ITIH4: variants seen among roughly 807,000 people sequenced by gnomAD.
ITIH4 encodes inter-alpha-trypsin inhibitor heavy chain 4, also known as inter-alpha-trypsin inhibitor heavy chain H4.
In ITIH4, 79 loss-of-function variants were observed where a neutral mutation model predicts 111.8. The observed-to-expected ratio is 0.71, with a 90% CI of 0.59 to 0.85. ITIH4 has a LOEUF of 0.85. ITIH4 is among the 40% of genes least tolerant of loss of function. ITIH4 has a pLI of 0.00. For synonymous variants in ITIH4, 472 were observed against 468.3 expected (o/e 1.01, Z -0.10); for missense variants, 1,065 against 1,195.8 (o/e 0.89, Z 1.61).
At chr3:52,821,733 G>C (rs1005141251) in intron 11 of ITIH4, among the ~76,000 whole-genome samples, 1 of 152,190 alleles carries the variant, frequency 6.6e-6, no homozygotes, top group Non-Finnish European at 1.5e-5. Flanking sequence ...CCCTCAGGGA[G>C]GGGCCTGTGG....
Position 52,820,677 on chromosome 3 carries a change from G to A in ITIH4, c.1788C>T (p.Pro596=), listed in dbSNP as rs143707017. ...CAACTTGAGACTGCTCTTGGTCATC[G>A]GGTTTGGTGACTACCATAGATGTGA... ...TPLTSMVVTK[P]DDQEQSQVAE... The change falls in exon 13 of 24, where the codon CCC becomes CCT. Residue 596 remains proline (P), a synonymous_variant. Transcript: ENST00000266041. 41 of 1,613,888 alleles carry A rather than the reference G, an allele frequency of 2.5e-5. No homozygotes were observed. In the African/African-American group the frequency reaches 3.2e-4, roughly 13 times the overall value.
At chr3:52,813,953 C>T (rs200748269) in intron 23 of ITIH4, 22 bp downstream of exon 23, 179 of 1,595,114 alleles carry the variant, frequency 1.1e-4, no homozygotes, top group Admixed American at 1.5e-4. Context: ...CTGGGCTCAG[C>T]GGTCTGCTTG....
At position 52,820,766 on chromosome 3, in the gene ITIH4, C is replaced by CA. The variant is rs1190288060; in HGVS notation, c.1698dup (p.Asp567Ter). ...GCTTGGTTCCGGAGGGCCTGCTGAT[C>CA]AGCATCGGATGCGGAGACACTGTAG... On this transcript the variant is annotated frameshift_variant, in exon 13 of 24. Transcript: ENST00000266041. LOFTEE classifies it high-confidence loss of function. The CA allele has an allele frequency of 6.2e-7, 1 of 1,612,952 alleles. No homozygotes were observed. The highest frequency in any genetic ancestry group is 1.7e-5 in the Admixed American group (1 of 59,840).
chr3:52,816,569 T>G (rs915641421), intron 21 of ITIH4, among the ~76,000 whole-genome samples: 7 of 152,134 alleles, frequency 4.6e-5, no homozygotes, highest in Non-Finnish European at 1.0e-4. Context: ...TGATTAGTAC[T>G]GGTTATTGGT....
intron 2 of ITIH4, among the ~76,000 whole-genome samples, chr3:52,828,774 G>T (rs1700522663): frequency 6.6e-6 from 1 of 152,190 alleles, no homozygotes. Flanking sequence ...TGTACTTTGA[G>T]CTGGAATGTG....
At chr3:52,825,079 T>G in intron 6 of ITIH4, 121 bp from the exon 7 acceptor site, 1 of 619,722 alleles carries the variant, frequency 1.6e-6, no homozygotes. Context: ...TCCATCCCAC[T>G]GCTAACCTCC....
chr3:52,823,384 T>C, intron 11 of ITIH4, 172 bp downstream of exon 11: 1 of 614,362 alleles, frequency 1.6e-6, no homozygotes, highest in Non-Finnish European at 2.9e-6. Flanking sequence ...TATGTGCTGG[T>C]CTCATGAGAA....
chr3:52,818,406 G>A, intron 18 of ITIH4, 56 bp downstream of exon 18: 3 of 1,577,696 alleles, frequency 1.9e-6, no homozygotes, highest in Admixed American at 1.8e-5. Context: ...CATGTGACAG[G>A]TCACTCCCCT....
intron 20 of ITIH4, among the ~76,000 whole-genome samples, chr3:52,817,631 T>A (rs983236839): frequency 9.9e-5 from 15 of 152,126 alleles, no homozygotes; most frequent in Non-Finnish European, 2.1e-4. Context: ...ATTCCCCTCA[T>A]CCACACCTTC....
In ITIH4 at chr3:52,818,122, ACT is replaced by A; in HGVS notation, c.2224_2225del (p.Ser742CysfsTer22). 1 of 1,613,486 alleles carries A rather than the reference ACT, an allele frequency of 6.2e-7. No homozygotes were observed. The highest frequency in any genetic ancestry group is 8.5e-7 in the Non-Finnish European group (1 of 1,179,846). On this transcript the variant is annotated frameshift_variant, in exon 20 of 24. Coordinates refer to ENST00000266041, the MANE Select transcript of ITIH4 (RefSeq NM_002218.5). LOFTEE classifies it high-confidence loss of function. ...PSAILPLPGQSVERLCVDPRH... is the reference protein window; with the variant it reads ...PSAILPLPGQXVERLCVDPRH... ...TGGGGTCCACACAGAGCCGCTCCAC[ACT>A]CTGCCCAGGCAGTGGCAGGATGGCA...
intron 17 of ITIH4, chr3:52,819,173 C>G: frequency 1.8e-6 from 1 of 542,142 alleles, no homozygotes. Context: ...CTGCAAAGAG[C>G]TGGGAAGGCG....
rs757338875 is a variant in ITIH4, at chr3:52,813,070, G to A, written c.*351C>T. The A allele has an allele frequency of 9.6e-6, 2 of 208,958 alleles. No homozygotes were observed. The highest frequency in any genetic ancestry group is 1.9e-5 in the Non-Finnish European group (2 of 106,472). The allele number at this position is 208,958 out of a possible 1,614,324, so 12.9% of individuals were successfully genotyped here. A position where few individuals can be genotyped will look rare whatever the true frequency, so the allele number is the denominator to read the frequency against. On this transcript the variant is annotated 3_prime_UTR_variant, in exon 24 of 24. Transcript: ENST00000266041. ...GAATGCTCCCAGCCCTGGGCCTCTAGCTGGGGGCCACAGTGACATCTCAAA... is the reference window on the plus strand; with the variant it reads ...GAATGCTCCCAGCCCTGGGCCTCTAACTGGGGGCCACAGTGACATCTCAAA...
At chr3:52,815,746 G>C (rs545797751) in intron 21 of ITIH4, among the ~76,000 whole-genome samples, 3 of 150,878 alleles carry the variant, frequency 2.0e-5, no homozygotes, top group Non-Finnish European at 2.9e-5. Context: ...AGGCTGGAGC[G>C]CAGTGGTGTT....
At chr3:52,827,660 A>G (rs1310018963) in intron 2 of ITIH4, among the ~76,000 whole-genome samples, 2 of 152,218 alleles carry the variant, frequency 1.3e-5, no homozygotes, top group African/African-American at 4.8e-5. Flanking sequence ...CTGAGGAGGA[A>G]GCAGACGTAG....
At chr3:52,829,949 G>A (rs1043959651) in intron 1 of ITIH4, 2 of 198,900 alleles carry the variant, frequency 1.0e-5, no homozygotes, top group Non-Finnish European at 2.1e-5. Flanking sequence ...CCCCGAGGAG[G>A]GGCACACGGG....
intron 17 of ITIH4, chr3:52,818,761 C>T (rs940472159): frequency 3.5e-6 from 2 of 576,490 alleles, no homozygotes; most frequent in Non-Finnish European, 3.1e-6. Flanking sequence ...GATCAGAAAA[C>T]AGTTCAAGGG....
In ITIH4 at chr3:52,816,969, C is replaced by A. The variant is rs778999330; in HGVS notation, c.2386G>T (p.Ala796Ser). Residue 796 changes from alanine (A) to serine (S), a missense_variant, in exon 21 of 24, where the codon GCA becomes TCA. Ala to Ser is a moderately conservative substitution (Grantham distance 99). Coordinates refer to ENST00000266041, the MANE Select transcript of ITIH4 (RefSeq NM_002218.5). The part of the protein sequence containing the change: ...TFKNPLVWVH[A>S]SPEHVVVTRN... ...GTCACCACCACGTGTTCAGGGGATGCGTGAACCCATACCAGGGGGTTCTTG... is the reference window on the plus strand; with the variant it reads ...GTCACCACCACGTGTTCAGGGGATGAGTGAACCCATACCAGGGGGTTCTTG... The A allele has an allele frequency of 6.2e-7, 1 of 1,613,976 alleles. No homozygotes were observed. Among genetic ancestry groups the A allele is most frequent in the South Asian group, 1.1e-5 (1 of 91,088 alleles).
rs13326974 is a variant in ITIH4 at position 52,813,399 on chromosome 3, G to A, written c.*22C>T. Reference sequence around the variant, plus strand: ...AGGGGGAAGCCAAGTGTACAGGGTGGGCACAGCTCCTTCCATCAGAACTAC... The same window carrying A: ...AGGGGGAAGCCAAGTGTACAGGGTGAGCACAGCTCCTTCCATCAGAACTAC... On this transcript the variant is annotated 3_prime_UTR_variant, in exon 24 of 24. Transcript: ENST00000266041. 1,607 of 1,612,286 alleles carry A rather than the reference G, an allele frequency of 1.0e-3. 17 individuals are homozygous for A. The African/African-American group carries it at 0.02, about 20-fold the overall frequency.
chr3:52,820,875 G>C (rs1283280757), intron 12 of ITIH4, 90 bp from the exon 13 acceptor site: 31 of 1,549,384 alleles, frequency 2.0e-5, no homozygotes, highest in Non-Finnish European at 2.0e-5. Context: ...CCCTCTGGGA[G>C]AATCTGGAGC....
Sources: gnomAD v4.1 joint callset for allele counts (sites outside exome capture counted in the v4.1 genomes callset) on GRCh38, gnomAD v4.1.1 for gene constraint, MANE v1.5 for transcripts, NCBI Gene and HGNC (gene_info 2026-07-23, HGNC 2026-07-21) for gene names.